AGBL4: variants seen among roughly 807,000 people sequenced by gnomAD.
AGBL4 encodes AGBL carboxypeptidase 4.
AGBL4 carries 58 observed loss-of-function variants against 66.4 expected under a neutral mutation model. The observed-to-expected ratio is 0.87, with a 90% CI of 0.71 to 1.09. The LOEUF (loss-of-function observed/expected upper bound fraction) is 1.09. Among genes scored for constraint, AGBL4 ranks in the 50% least tolerant of loss-of-function variants. The pLI, the probability that AGBL4 is intolerant of heterozygous loss-of-function variation, is 0.00. For synonymous variants in AGBL4, 234 were observed against 222.9 expected, an observed-to-expected ratio of 1.05 and a Z score of -0.44; for missense variants, 579 against 631.0, an observed-to-expected ratio of 0.92 and a Z score of 0.88.
chr1:49,307,551 A>G (rs940171580), intron 3 of AGBL4, among the ~76,000 whole-genome samples: 3 of 152,160 alleles, frequency 2.0e-5, no homozygotes, highest in African/African-American at 7.2e-5. Flanking sequence ...ATACTGTTTT[A>G]TTGTTTTATG....
intron 3 of AGBL4, among the ~76,000 whole-genome samples, chr1:49,322,532 T>G (rs546185472): frequency 6.9e-4 from 105 of 152,336 alleles, no homozygotes; most frequent in African/African-American, 2.4e-3. Flanking sequence ...GATTCTGAGA[T>G]GAAATCATCT....
At chr1:49,054,003 T>C (rs924133400) in intron 4 of AGBL4, among the ~76,000 whole-genome samples, 4 of 152,112 alleles carry the variant, frequency 2.6e-5, no homozygotes, top group African/African-American at 9.7e-5. Flanking sequence ...AGCAGAAGCA[T>C]AGAAGAAATA....
chr1:49,278,916 G>A (rs1437104002), intron 3 of AGBL4, among the ~76,000 whole-genome samples: 1 of 152,180 alleles, frequency 6.6e-6, no homozygotes, highest in African/African-American at 2.4e-5. Flanking sequence ...ATGTTTAGCT[G>A]AGACATTTTT....
intron 1 of AGBL4, among the ~76,000 whole-genome samples, chr1:49,864,436 G>A: frequency 6.6e-6 from 1 of 152,212 alleles, no homozygotes; most frequent in East Asian, 1.9e-4. Flanking sequence ...CTCCAACCAA[G>A]AGGGGAAACA....
At chr1:48,809,288 T>C (rs1157014293) in intron 6 of AGBL4, among the ~76,000 whole-genome samples, 1 of 152,194 alleles carries the variant, frequency 6.6e-6, no homozygotes, top group Non-Finnish European at 1.5e-5. Flanking sequence ...GATGAACATT[T>C]GTCCCATTTA....
chr1:49,263,048 C>G (rs563690609), intron 3 of AGBL4, among the ~76,000 whole-genome samples: 1 of 151,724 alleles, frequency 6.6e-6, no homozygotes, highest in African/African-American at 2.4e-5. Context: ...AGTAAACTAT[C>G]GCAAGGACAA....
intron 8 of AGBL4, chr1:48,647,689 C>A (rs1374062982): frequency 2.4e-6 from 1 of 420,124 alleles, no homozygotes; most frequent in African/African-American, 2.1e-5. Context: ...CAGGCAACTT[C>A]TGCATTACCT....
chr1:48,816,045 T>TTGTGTGTGTG (rs59041939), intron 6 of AGBL4, among the ~76,000 whole-genome samples: 1 of 144,304 alleles, frequency 6.9e-6, no homozygotes, highest in African/African-American at 2.6e-5. Context: ...AGGAACTGTT[T>TTGTGTGTGTG]TGTGTGTGTG....
chr1:49,523,917 T>C (rs1401551259), intron 3 of AGBL4, among the ~76,000 whole-genome samples: 2 of 151,966 alleles, frequency 1.3e-5, no homozygotes, highest in African/African-American at 2.4e-5. Context: ...AGGGCCTCAG[T>C]CATGTGGTCC....
At chr1:49,619,245 T>A (rs1161168083) in intron 3 of AGBL4, among the ~76,000 whole-genome samples, 1 of 152,190 alleles carries the variant, frequency 6.6e-6, no homozygotes, top group Non-Finnish European at 1.5e-5. Context: ...AAAATCTTCT[T>A]AAGCTGATAA....
chr1:49,845,852 A>G, intron 2 of AGBL4: 6 of 1,453,496 alleles, frequency 4.1e-6, no homozygotes, highest in Non-Finnish European at 5.8e-6. Flanking sequence ...CAGTGTGGGA[A>G]GGCCTTCCTT....
intron 6 of AGBL4, among the ~76,000 whole-genome samples, chr1:48,732,843 A>C (rs1648365673): frequency 6.6e-6 from 1 of 152,208 alleles, no homozygotes; most frequent in Non-Finnish European, 1.5e-5. Flanking sequence ...ATCAGCGAGA[A>C]GATGGCTGGA....
At chr1:49,083,089 C>T (rs923574132) in intron 4 of AGBL4, among the ~76,000 whole-genome samples, 8 of 152,184 alleles carry the variant, frequency 5.3e-5, no homozygotes, top group South Asian at 2.1e-4. Context: ...GCCCCTGTGG[C>T]TTTGTAGTGT....
chr1:49,501,430 C>G (rs563627114), intron 3 of AGBL4, among the ~76,000 whole-genome samples: 1 of 152,266 alleles, frequency 6.6e-6, no homozygotes, highest in East Asian at 1.9e-4. Flanking sequence ...TGTCTCCTAT[C>G]TGCCATCTTC....
At chr1:49,942,467 G>A (rs1654850294) in intron 1 of AGBL4, among the ~76,000 whole-genome samples, 2 of 152,050 alleles carry the variant, frequency 1.3e-5, no homozygotes, top group South Asian at 4.2e-4. Context: ...AAGCAACATG[G>A]CACTAGCATA....
chr1:48,976,962 A>G, intron 5 of AGBL4, among the ~76,000 whole-genome samples: 2 of 152,130 alleles, frequency 1.3e-5, no homozygotes, highest in East Asian at 3.9e-4. Context: ...TTGTCTCCCC[A>G]TTAGAAAGTA....
At chr1:49,240,964 A>C (rs1056988927) in intron 4 of AGBL4, among the ~76,000 whole-genome samples, 1 of 151,904 alleles carries the variant, frequency 6.6e-6, no homozygotes, top group African/African-American at 2.4e-5. Flanking sequence ...CATGCCAGAA[A>C]ATCTGGGAAT....
intron 3 of AGBL4, among the ~76,000 whole-genome samples, chr1:49,577,873 T>A (rs1644467160): frequency 6.6e-6 from 1 of 152,186 alleles, no homozygotes. Context: ...TAAGGCCGTG[T>A]ATGCTCTGAA....
At chr1:49,220,548 A>C (rs1473864307) in intron 4 of AGBL4, among the ~76,000 whole-genome samples, 1 of 152,104 alleles carries the variant, frequency 6.6e-6, no homozygotes, top group Non-Finnish European at 1.5e-5. Flanking sequence ...TGCTTAATAA[A>C]TATTACTTTT....
Sources: gnomAD v4.1 joint callset for allele counts (sites outside exome capture counted in the v4.1 genomes callset) on GRCh38, gnomAD v4.1.1 for gene constraint, MANE v1.5 for transcripts, NCBI Gene and HGNC (gene_info 2026-07-23, HGNC 2026-07-21) for gene names.